The following DLG2 variants were observed in gnomAD, a reference collection of about 807,000 sequenced individuals.
DLG2 encodes the protein disks large homolog 2.
A neutral mutation model predicts 132.5 loss-of-function variants in DLG2; 45 were observed. That is an observed-to-expected ratio of 0.34 (90% CI 0.27 to 0.44). The LOEUF is 0.44. Ranked by LOEUF, DLG2 falls within the 20% of genes least tolerant of loss-of-function variation. The pLI is 1.00. For missense variants in DLG2, 1,045 were observed against 1,196.9 expected (o/e 0.87, Z 1.87); for synonymous variants, 424 against 419.6 (o/e 1.01, Z -0.13).
In DLG2 at chr11:85,575,511, A is replaced by G. The variant is rs116197443; in HGVS notation, c.40+23146T>C. Reference sequence around the variant, plus strand: ...GCCATGATTGCACCACTGCACTCCAACCTACATGACAGAGTGAGATCCTAT... The same window carrying G: ...GCCATGATTGCACCACTGCACTCCAGCCTACATGACAGAGTGAGATCCTAT... On this transcript the variant is annotated intron_variant, in intron 3 of 27. Coordinates refer to ENST00000376104, the MANE Select transcript of DLG2 (RefSeq NM_001142699.3). Among the ~76,000 whole-genome samples, 1,310 of 149,732 alleles carry G rather than the reference A, an allele frequency of 8.7e-3. 19 individuals carry two copies. Among genetic ancestry groups the G allele is most frequent in the African/African-American group, 0.029 (1,165 of 40,702 alleles).
intron 21 of DLG2, among the ~76,000 whole-genome samples, chr11:83,503,310 C>T (rs1298283282): frequency 4.6e-5 from 6 of 130,042 alleles, no homozygotes; most frequent in African/African-American, 1.6e-4. Context: ...TCAGAGTTCT[C>T]TGGAGTGACA....
At chr11:85,059,196 C>T (rs1184193126) in intron 6 of DLG2, among the ~76,000 whole-genome samples, 1 of 150,914 alleles carries the variant, frequency 6.6e-6, no homozygotes, top group African/African-American at 2.4e-5. Context: ...ATAGAAAGAT[C>T]CTCAAGCTTC....
At chr11:85,464,286 TGA>T (rs921341572) in intron 3 of DLG2, among the ~76,000 whole-genome samples, 2 of 152,010 alleles carry the variant, frequency 1.3e-5, no homozygotes, top group African/African-American at 2.4e-5. Flanking sequence ...CAGCATTGCA[TGA>T]GAGAGAGTTT....
At chr11:84,407,613 A>G (rs1345310913) in intron 7 of DLG2, among the ~76,000 whole-genome samples, 1 of 152,170 alleles carries the variant, frequency 6.6e-6, no homozygotes, top group Non-Finnish European at 1.5e-5. Context: ...GTGACACTTT[A>G]ATGAAAAAAA....
intron 15 of DLG2, among the ~76,000 whole-genome samples, chr11:83,906,590 C>T (rs925456641): frequency 4.6e-5 from 7 of 152,128 alleles, no homozygotes; most frequent in Admixed American, 2.0e-4. Context: ...ACAATATCAT[C>T]CATGTATCAA....
At chr11:84,016,297 G>C (rs1456318659) in intron 11 of DLG2, among the ~76,000 whole-genome samples, 5 of 152,032 alleles carry the variant, frequency 3.3e-5, no homozygotes, top group African/African-American at 1.2e-4. Flanking sequence ...TAGATAGATA[G>C]ATTGTAAAAT....
intron 4 of DLG2, among the ~76,000 whole-genome samples, chr11:85,177,547 A>C (rs530809836): frequency 9.7e-4 from 148 of 152,108 alleles, no homozygotes; most frequent in African/African-American, 3.3e-3. Flanking sequence ...GGAGAGCATC[A>C]GGAAGAAAAG....
At chr11:84,202,515 C>G (rs2096609464) in intron 8 of DLG2, among the ~76,000 whole-genome samples, 1 of 152,102 alleles carries the variant, frequency 6.6e-6, no homozygotes, top group Admixed American at 6.5e-5. Context: ...TATAAAAACC[C>G]TAGAAGAAAA....
chr11:84,283,257 G>C (rs1416017325), intron 7 of DLG2, among the ~76,000 whole-genome samples: 1 of 152,170 alleles, frequency 6.6e-6, no homozygotes, highest in Non-Finnish European at 1.5e-5. Flanking sequence ...TATACAGATA[G>C]AGAAATAGGT....
At chr11:83,852,066 A>G (rs1451288713) in intron 16 of DLG2, among the ~76,000 whole-genome samples, 1 of 152,220 alleles carries the variant, frequency 6.6e-6, no homozygotes, top group Non-Finnish European at 1.5e-5. Context: ...AGCTAGGAAG[A>G]GGCAAGGAGA....
At chr11:83,814,300 TA>T (rs2048223972) in intron 17 of DLG2, among the ~76,000 whole-genome samples, 1 of 152,152 alleles carries the variant, frequency 6.6e-6, no homozygotes, top group South Asian at 2.1e-4. Context: ...ATGCTAATAA[TA>T]AAAGCGATAG....
At chr11:85,186,708 T>C (rs1235296862) in intron 4 of DLG2, among the ~76,000 whole-genome samples, 2 of 152,114 alleles carry the variant, frequency 1.3e-5, no homozygotes, top group Non-Finnish European at 2.9e-5. Flanking sequence ...CATGGAGAAT[T>C]GCCTGCCCAG....
intron 7 of DLG2, among the ~76,000 whole-genome samples, chr11:84,377,402 C>T (rs889464242): frequency 2.6e-5 from 4 of 151,694 alleles, no homozygotes; most frequent in African/African-American, 9.7e-5. Context: ...TTTAAACAAA[C>T]CAACCATAAA....
intron 11 of DLG2, among the ~76,000 whole-genome samples, chr11:83,987,983 T>C (rs879729664): frequency 3.3e-5 from 5 of 152,016 alleles, no homozygotes; most frequent in Admixed American, 6.6e-5. Context: ...AATGGGGTTG[T>C]TTGTTTTTTT....
intron 6 of DLG2, chr11:84,545,257 T>G (rs1161979783): frequency 2.1e-6 from 1 of 484,642 alleles, no homozygotes; most frequent in Non-Finnish European, 4.0e-6. Flanking sequence ...TCCTAAGGTT[T>G]CTCTCCTCAT....
intron 6 of DLG2, among the ~76,000 whole-genome samples, chr11:84,888,304 C>T (rs995420935): frequency 9.9e-5 from 15 of 152,084 alleles, no homozygotes; most frequent in Non-Finnish European, 1.5e-4. Flanking sequence ...GATTCAGGGT[C>T]TCAATAAAAC....
In DLG2 at chr11:85,369,596, G is replaced by A. The variant is rs569756761; in HGVS notation, c.41-84231C>T. ...CTAGTCTTTGGCTATGGCCCATCTG[G>A]TGTGCTTTGCCTGTCTGCATGGTTT... On this transcript the variant is annotated intron_variant, in intron 3 of 27. Coordinates refer to ENST00000376104, the MANE Select transcript of DLG2 (RefSeq NM_001142699.3). Among the ~76,000 whole-genome samples the A allele has an allele frequency of 3.3e-5, 5 of 152,274 alleles. No individual in the cohort carries two copies. In the South Asian group the frequency reaches 8.3e-4, roughly 25 times the overall value.
At chr11:85,493,214 C>G (rs559139249) in intron 3 of DLG2, among the ~76,000 whole-genome samples, 1 of 152,244 alleles carries the variant, frequency 6.6e-6, no homozygotes, top group South Asian at 2.1e-4. Flanking sequence ...TAGATTAAAA[C>G]AAGCAGATTT....
intron 6 of DLG2, among the ~76,000 whole-genome samples, chr11:84,862,600 G>A (rs929205696): frequency 4.6e-5 from 7 of 152,032 alleles, no homozygotes; most frequent in Non-Finnish European, 8.8e-5. Context: ...ACTGGATAAA[G>A]AAAATGTGGC....
Sources: gnomAD v4.1 joint callset for allele counts (sites outside exome capture counted in the v4.1 genomes callset) on GRCh38, gnomAD v4.1.1 for gene constraint, MANE v1.5 for transcripts, NCBI Gene and HGNC (gene_info 2026-07-23, HGNC 2026-07-21) for gene names.